The following LPAR1 variants were observed in gnomAD, a reference collection of about 807,000 sequenced individuals.
The protein encoded by LPAR1 is LPA receptor 1.
A neutral mutation model predicts 23.8 loss-of-function variants in LPAR1; 5 were observed. That is an observed-to-expected ratio of 0.21 (90% CI 0.11 to 0.44). The LOEUF is 0.44. Ranked by LOEUF, LPAR1 falls within the 20% of genes least tolerant of loss-of-function variation. LPAR1 has a pLI of 0.99. For missense variants in LPAR1, 311 were observed against 482.8 expected (o/e 0.64, Z 3.33); for synonymous variants, 160 against 164.7 (o/e 0.97, Z 0.22).
intron 4 of LPAR1, among the ~76,000 whole-genome samples, chr9:110,952,335 C>G (rs1482225366): frequency 6.6e-6 from 1 of 152,136 alleles, no homozygotes; most frequent in African/African-American, 2.4e-5. Context: ...AGGGAGCTGC[C>G]TGGAGACCAT....
intron 2 of LPAR1, among the ~76,000 whole-genome samples, chr9:111,016,097 A>G (rs2097438918): frequency 1.3e-5 from 2 of 152,054 alleles, no homozygotes; most frequent in African/African-American, 4.8e-5. Context: ...CCCTTGTCCA[A>G]ATTCTATGCC....
At chr9:110,890,187 T>A (rs2133143668) in intron 5 of LPAR1, among the ~76,000 whole-genome samples, 1 of 151,964 alleles carries the variant, frequency 6.6e-6, no homozygotes, top group Non-Finnish European at 1.5e-5. Flanking sequence ...TTTGAAAAAA[T>A]GGCTAAAATT....
intron 5 of LPAR1, 107 bp from the exon 6 acceptor site, chr9:110,875,829 A>T (rs1419020464): frequency 1.7e-6 from 1 of 575,318 alleles, no homozygotes; most frequent in African/African-American, 1.9e-5. Context: ...ATATAAAAAT[A>T]CTGAAGTTGG....
At chr9:111,017,648 T>G (rs2097481305) in intron 2 of LPAR1, among the ~76,000 whole-genome samples, 1 of 152,230 alleles carries the variant, frequency 6.6e-6, no homozygotes, top group Non-Finnish European at 1.5e-5. Context: ...TGCTCCATTT[T>G]CTAGTAGTTA....
intron 5 of LPAR1, chr9:110,903,346 G>A (rs953875304): frequency 6.6e-6 from 1 of 152,134 alleles, no homozygotes; most frequent in Non-Finnish European, 1.5e-5. Context: ...GGTGCTCACA[G>A]TTCAGCAGCA....
chr9:110,959,173 A>AAAAAAAG, intron 4 of LPAR1, among the ~76,000 whole-genome samples: 1 of 150,818 alleles, frequency 6.6e-6, no homozygotes, highest in South Asian at 2.1e-4. Flanking sequence ...GTCTCTACAA[A>AAAAAAAG]AAAAAAAAAA....
intron 5 of LPAR1, among the ~76,000 whole-genome samples, chr9:110,918,888 T>G (rs571996992): frequency 1.4e-4 from 21 of 150,670 alleles, no homozygotes; most frequent in South Asian, 6.3e-4. Context: ...AAAAGCTGGT[T>G]TTTTTTTTTC....
intron 5 of LPAR1, among the ~76,000 whole-genome samples, chr9:110,899,849 G>A (rs1417354361): frequency 1.3e-5 from 2 of 152,086 alleles, no homozygotes; most frequent in Non-Finnish European, 1.5e-5. Flanking sequence ...TCATTCCATT[G>A]TAAGATATTT....
intron 2 of LPAR1, among the ~76,000 whole-genome samples, chr9:110,997,222 T>A (rs952842390): frequency 6.6e-6 from 1 of 152,166 alleles, no homozygotes; most frequent in African/African-American, 2.4e-5. Flanking sequence ...GGGCAGATAT[T>A]CCATCATTTA....
chr9:110,991,624 T>TTGTTG lies in LPAR1; in HGVS notation c.-181-18067_-181-18066insCAACA, dbSNP rs1564275750. ...TGTTGTTGTTGTTGTTGTTGTTGTTTTTTGGGACAGTTTCACTCTTGTTGC... is the reference window on the plus strand; with the variant it reads ...TGTTGTTGTTGTTGTTGTTGTTGTTTTGTTGTTTGGGACAGTTTCACTCTTGTTGC... On this transcript the variant is annotated intron_variant, in intron 2 of 5. Coordinates refer to ENST00000683809, the MANE Select transcript of LPAR1 (RefSeq NM_001351411.2). Among the ~76,000 whole-genome samples, 42 of 148,672 alleles carry TTGTTG rather than the reference T, an allele frequency of 2.8e-4. 1 individual carries two copies. The highest frequency in any genetic ancestry group is 1.1e-3 in the African/African-American group (42 of 39,748).
At chr9:110,968,671 T>C (rs568961322) in intron 4 of LPAR1, among the ~76,000 whole-genome samples, 1 of 152,302 alleles carries the variant, frequency 6.6e-6, no homozygotes, top group Non-Finnish European at 1.5e-5. Flanking sequence ...CTTTTTGTTT[T>C]ATCTGTGTAT....
chr9:110,972,162 G>A lies in LPAR1; in HGVS notation c.-45C>T. Reference sequence around the variant, plus strand: ...GTGGTGAACACGCCCCAGAACTACGGGAGACAAATTTTCTTGTTTGCTGAT... The same window carrying A: ...GTGGTGAACACGCCCCAGAACTACGAGAGACAAATTTTCTTGTTTGCTGAT... On this transcript the variant is annotated 5_prime_UTR_variant, in exon 4 of 6. Coordinates refer to ENST00000683809, the MANE Select transcript of LPAR1 (RefSeq NM_001351411.2). 2 of 1,584,710 alleles carry A rather than the reference G, an allele frequency of 1.3e-6. No homozygotes were observed. Among genetic ancestry groups the A allele is most frequent in the Non-Finnish European group, 1.7e-6 (2 of 1,153,500 alleles).
chr9:111,022,778 C>T lies in LPAR1; in HGVS notation c.-182+13344G>A, dbSNP rs544813838. On this transcript the variant is annotated intron_variant, in intron 2 of 5. Coordinates refer to ENST00000683809, the MANE Select transcript of LPAR1 (RefSeq NM_001351411.2). Reference sequence around the variant, plus strand: ...CAAAAAACCCTGCTATTGCCGGGCGCGGTGGCTCAAGTCTGTAATCCCAGC... The same window carrying T: ...CAAAAAACCCTGCTATTGCCGGGCGTGGTGGCTCAAGTCTGTAATCCCAGC... 3.8e-3 allele frequency among the ~76,000 whole-genome samples: 585 copies of T among 152,102 alleles called. 2 individuals carry two copies. Among genetic ancestry groups the T allele is most frequent in the Middle Eastern group, 0.014 (4 of 294 alleles).
At chr9:110,938,675 A>G (rs1280151285) in intron 5 of LPAR1, among the ~76,000 whole-genome samples, 2 of 151,052 alleles carry the variant, frequency 1.3e-5, no homozygotes, top group African/African-American at 4.9e-5. Context: ...GCAACATGAC[A>G]AAACCCCATC....
At chr9:110,930,695 C>G (rs1349725363) in intron 5 of LPAR1, among the ~76,000 whole-genome samples, 2 of 151,858 alleles carry the variant, frequency 1.3e-5, no homozygotes, top group East Asian at 3.9e-4. Context: ...GTGGGTGGAT[C>G]ACCTGATGTT....
At position 110,942,292 on chromosome 9, in the gene LPAR1, T is replaced by C. The variant is rs549498612; in HGVS notation, c.46-124A>G. 63 of 769,576 alleles carry C rather than the reference T, an allele frequency of 8.2e-5. No individual in the cohort carries two copies. The African/African-American group carries it at 1.1e-3, about 13-fold the overall frequency. The allele number at this position is 769,576 out of a possible 1,614,324, so 47.7% of individuals were successfully genotyped here. A position where few individuals can be genotyped will look rare whatever the true frequency, so the allele number is the denominator to read the frequency against. ...AAAACAAAAGCAAATAATTTGAACA[T>C]TTGATCCTGCATACCATCTTGTGAT... On this transcript the variant is annotated intron_variant, in intron 4 of 5. Coordinates refer to ENST00000683809, the MANE Select transcript of LPAR1 (RefSeq NM_001351411.2).
chr9:110,977,387 T>C (rs2096574484), intron 2 of LPAR1, among the ~76,000 whole-genome samples: 1 of 152,192 alleles, frequency 6.6e-6, no homozygotes, highest in Admixed American at 6.5e-5. Flanking sequence ...AGCTGGCTCC[T>C]GGCAAGGGCA....
chr9:110,938,578 GC>G (rs1489161544), intron 5 of LPAR1, among the ~76,000 whole-genome samples: 2 of 152,058 alleles, frequency 1.3e-5, no homozygotes, highest in Non-Finnish European at 2.9e-5. Flanking sequence ...GGGGGCCCAG[GC>G]ATGGTGGCTT....
chr9:111,025,063 C>G (rs1215442566), intron 2 of LPAR1, among the ~76,000 whole-genome samples: 2 of 151,976 alleles, frequency 1.3e-5, no homozygotes, highest in Admixed American at 1.3e-4. Flanking sequence ...GGATATATAC[C>G]CAGTAATGGG....
Sources: gnomAD v4.1 joint callset for allele counts (sites outside exome capture counted in the v4.1 genomes callset) on GRCh38, gnomAD v4.1.1 for gene constraint, MANE v1.5 for transcripts, NCBI Gene and HGNC (gene_info 2026-07-23, HGNC 2026-07-21) for gene names.